The following FMNL2 variants were observed in gnomAD, a reference collection of about 807,000 sequenced individuals.
FMNL2 encodes the protein formin-like protein 2.
In FMNL2, 51 loss-of-function variants were observed where a neutral mutation model predicts 130.2. That is an observed-to-expected ratio of 0.39 (90% confidence interval 0.31 to 0.49). FMNL2 has a LOEUF of 0.49. FMNL2 is among the 20% of genes least tolerant of loss of function. The pLI, the probability that FMNL2 is intolerant of heterozygous loss-of-function variation, is 0.85. For missense variants in FMNL2, 977 were observed against 1,316.2 expected, an observed-to-expected ratio of 0.74 and a Z score of 3.99; for synonymous variants, 465 against 467.1, an observed-to-expected ratio of 1.00 and a Z score of 0.06.
intron 1 of FMNL2, among the ~76,000 whole-genome samples, chr2:152,392,008 A>G (rs1039814129): frequency 1.3e-5 from 2 of 149,282 alleles, no homozygotes; most frequent in African/African-American, 4.9e-5. Context: ...ATTCATTTGC[A>G]AGATTGCCAC....
At chr2:152,486,372 T>C (rs1315929557) in intron 1 of FMNL2, among the ~76,000 whole-genome samples, 2 of 152,206 alleles carry the variant, frequency 1.3e-5, no homozygotes, top group African/African-American at 4.8e-5. Context: ...CATAGCTGGG[T>C]TGGTTAATAG....
chr2:152,580,091 C>A (rs1696697963), intron 8 of FMNL2, among the ~76,000 whole-genome samples: 1 of 152,176 alleles, frequency 6.6e-6, no homozygotes, highest in African/African-American at 2.4e-5. Context: ...TACTAGAGTC[C>A]TAAGTAGCCA....
intron 8 of FMNL2, among the ~76,000 whole-genome samples, chr2:152,579,653 G>T (rs148399125): frequency 6.6e-6 from 1 of 152,138 alleles, no homozygotes; most frequent in East Asian, 1.9e-4. Flanking sequence ...AGCCGAGATC[G>T]CACCGCTGCA....
At chr2:152,483,655 C>A (rs1330543926) in intron 1 of FMNL2, among the ~76,000 whole-genome samples, 3 of 152,216 alleles carry the variant, frequency 2.0e-5, no homozygotes, top group Non-Finnish European at 4.4e-5. Context: ...GGAAAAGATT[C>A]CATGTTGACA....
intron 1 of FMNL2, among the ~76,000 whole-genome samples, chr2:152,519,975 C>G (rs111479145): frequency 3.9e-5 from 6 of 152,264 alleles, no homozygotes; most frequent in African/African-American, 1.2e-4. Context: ...ACCTCCTTCT[C>G]TGGAGTGCAA....
At chr2:152,389,321 T>C (rs1216199911) in intron 1 of FMNL2, among the ~76,000 whole-genome samples, 1 of 152,150 alleles carries the variant, frequency 6.6e-6, no homozygotes, top group African/African-American at 2.4e-5. Flanking sequence ...CTGCTGTATC[T>C]TCATATAGCA....
chr2:152,455,283 G>A (rs1265333974), intron 1 of FMNL2, among the ~76,000 whole-genome samples: 1 of 152,124 alleles, frequency 6.6e-6, no homozygotes, highest in Non-Finnish European at 1.5e-5. Flanking sequence ...AAAGGCAAGA[G>A]GATCAAGGCC....
Position 152,648,895 on chromosome 2 carries a change from G to GCA in FMNL2, c.*991_*992dup, listed in dbSNP as rs1316677604. The GCA allele has an allele frequency of 6.6e-6, 1 of 152,552 alleles. No homozygotes were observed. Among genetic ancestry groups the GCA allele is most frequent in the Admixed American group, 6.5e-5 (1 of 15,278 alleles). The allele number at this position is 152,552 out of a possible 1,614,324, so 9.4% of individuals were successfully genotyped here. Reference sequence around the variant, plus strand: ...TTTCCCAGACTACTTATGGAGAATTGCAGTTTAAGTTGCTGAAAAGTATTA... The same window carrying GCA: ...TTTCCCAGACTACTTATGGAGAATTGCACAGTTTAAGTTGCTGAAAAGTATTA... On this transcript the variant is annotated 3_prime_UTR_variant, in exon 26 of 26. Transcript: ENST00000288670.
chr2:152,640,606 G>A (rs939320780), intron 24 of FMNL2, among the ~76,000 whole-genome samples, 185 bp from the exon 25 acceptor site: 20 of 152,296 alleles, frequency 1.3e-4, no homozygotes, highest in Admixed American at 7.2e-4. Context: ...TTGTGTGTTC[G>A]TCAGTGGAAG....
At chr2:152,579,647 G>A (rs1445852188) in intron 8 of FMNL2, among the ~76,000 whole-genome samples, 4 of 152,238 alleles carry the variant, frequency 2.6e-5, no homozygotes, top group South Asian at 4.2e-4. Flanking sequence ...GCAGTGAGCC[G>A]AGATCGCACC....
rs751041095 is a variant in FMNL2 at position 152,586,333 on chromosome 2, T to C, written c.876+5284T>C. 1.3e-3 allele frequency among the ~76,000 whole-genome samples: 201 copies of C among 152,320 alleles called. 1 individual carries two copies. Among genetic ancestry groups the C allele is most frequent in the Admixed American group, 1.8e-3 (27 of 15,300 alleles). On this transcript the variant is annotated intron_variant, in intron 9 of 25. Coordinates refer to ENST00000288670, the MANE Select transcript of FMNL2 (RefSeq NM_052905.4). ...CTAGAAGGCTTCCTAAGAAAGCTGATGTGTGGTTTAGCTACTGGGCATCTG... is the reference window on the plus strand; with the variant it reads ...CTAGAAGGCTTCCTAAGAAAGCTGACGTGTGGTTTAGCTACTGGGCATCTG...
At chr2:152,597,029 T>C (rs1697806980) in intron 9 of FMNL2, among the ~76,000 whole-genome samples, 1 of 152,238 alleles carries the variant, frequency 6.6e-6, no homozygotes, top group Non-Finnish European at 1.5e-5. Flanking sequence ...AAAATAATGG[T>C]ACACTGAGTT....
chr2:152,586,112 A>G (rs1021583051), intron 9 of FMNL2, among the ~76,000 whole-genome samples: 2 of 152,098 alleles, frequency 1.3e-5, no homozygotes, highest in African/African-American at 4.8e-5. Context: ...TTATAACTGT[A>G]TTCTCATCTG....
At chr2:152,399,013 TGGCCAC>T (rs1685542843) in intron 1 of FMNL2, among the ~76,000 whole-genome samples, 1 of 152,190 alleles carries the variant, frequency 6.6e-6, no homozygotes, top group Non-Finnish European at 1.5e-5. Flanking sequence ...AAGAATGTGG[TGGCCAC>T]GGAGACAGGA....
At chr2:152,507,932 G>A (rs755000431) in intron 1 of FMNL2, among the ~76,000 whole-genome samples, 2 of 152,062 alleles carry the variant, frequency 1.3e-5, no homozygotes, top group African/African-American at 2.4e-5. Context: ...ACCAGAAGAC[G>A]TTTTCTAAAA....
Position 152,639,959 on chromosome 2 carries a change from AAGC to A in FMNL2, c.2951_2953del (p.Ala984del). 6.4e-7 allele frequency: 1 copy of A among 1,551,882 alleles called. No homozygotes were observed. The highest frequency in any genetic ancestry group is 8.7e-7 in the Non-Finnish European group (1 of 1,149,232). On this transcript the variant is annotated inframe_deletion and splice_region_variant, in exon 24 of 26. Coordinates refer to ENST00000288670, the MANE Select transcript of FMNL2 (RefSeq NM_052905.4). ...TTCTGGTTCTTTTGATTTACCCAGC[AAGC>A]AGAAGAGGAAAATGAGCTGAGGAAA...
intron 12 of FMNL2, among the ~76,000 whole-genome samples, 182 bp downstream of exon 12, chr2:152,615,182 A>G (rs977764958): frequency 6.6e-6 from 1 of 152,138 alleles, no homozygotes; most frequent in East Asian, 1.9e-4. Context: ...TGTTATGTAA[A>G]ATGAAATAGA....
intron 1 of FMNL2, among the ~76,000 whole-genome samples, chr2:152,341,147 A>G (rs1056369559): frequency 6.6e-6 from 1 of 152,202 alleles, no homozygotes; most frequent in Non-Finnish European, 1.5e-5. Context: ...GTATTCTCAC[A>G]TTCTTTCTCC....
intron 15 of FMNL2, among the ~76,000 whole-genome samples, chr2:152,621,309 C>T (rs190040045): frequency 1.1e-3 from 169 of 152,300 alleles, no homozygotes; most frequent in South Asian, 2.7e-3. Flanking sequence ...CCGCCTTAGC[C>T]GAGTGAGAGC....
Sources: gnomAD v4.1 joint callset for allele counts (sites outside exome capture counted in the v4.1 genomes callset) on GRCh38, gnomAD v4.1.1 for gene constraint, MANE v1.5 for transcripts, NCBI Gene and HGNC (gene_info 2026-07-23, HGNC 2026-07-21) for gene names.